ZBTB20: variants seen among roughly 807,000 people sequenced by gnomAD.
ZBTB20 encodes the protein zinc finger and BTB domain containing 20.
ZBTB20 carries 9 observed loss-of-function variants against 56.9 expected under a neutral mutation model. That is an observed-to-expected ratio of 0.16 (90% CI 0.10 to 0.28). ZBTB20 has a LOEUF of 0.28. Among genes scored for constraint, ZBTB20 ranks in the 10% least tolerant of loss-of-function variants. The pLI is 1.00. For synonymous variants in ZBTB20, 417 were observed against 420.7 expected, an observed-to-expected ratio of 0.99 and a Z score of 0.11; for missense variants, 655 against 1,003.0, an observed-to-expected ratio of 0.65 and a Z score of 4.69.
intron 7 of ZBTB20, among the ~76,000 whole-genome samples, chr3:114,493,169 C>A (rs1442062019): frequency 6.6e-6 from 1 of 152,032 alleles, no homozygotes; most frequent in Non-Finnish European, 1.5e-5. Flanking sequence ...AATGTAATAC[C>A]CTTGTGATTA....
chr3:114,572,901 A>C (rs1466548597), intron 6 of ZBTB20, among the ~76,000 whole-genome samples: 1 of 152,162 alleles, frequency 6.6e-6, no homozygotes, highest in Non-Finnish European at 1.5e-5. Context: ...GTGCCTAATA[A>C]ATTTTATCAG....
chr3:115,070,892 G>C (rs1206102211), intron 2 of ZBTB20, among the ~76,000 whole-genome samples: 1 of 151,676 alleles, frequency 6.6e-6, no homozygotes, highest in Non-Finnish European at 1.5e-5. Context: ...ATCACCTCTT[G>C]GTGGGGAAAA....
chr3:114,359,754 A>G (rs375142267), intron 10 of ZBTB20, among the ~76,000 whole-genome samples: 75 of 152,334 alleles, frequency 4.9e-4, no homozygotes, highest in African/African-American at 1.8e-3. Flanking sequence ...GGCTTTGAAT[A>G]GACCTTAAAG....
At chr3:114,545,714 A>G (rs1245449579) in intron 6 of ZBTB20, among the ~76,000 whole-genome samples, 1 of 152,194 alleles carries the variant, frequency 6.6e-6, no homozygotes, top group Non-Finnish European at 1.5e-5. Flanking sequence ...AGTACATATT[A>G]CAAGCTTCTA....
Position 114,350,730 on chromosome 3 carries a change from T to C in ZBTB20, c.1348A>G (p.Asn450Asp). The change falls in exon 11 of 12, where the codon AAC becomes GAC. Residue 450 changes from asparagine (N) to aspartate (D), a missense_variant. By Grantham distance (23) the Asn-to-Asp change is conservative. Coordinates refer to ENST00000675478, the MANE Select transcript of ZBTB20 (RefSeq NM_001348800.3). Reference sequence around the variant, plus strand: ...TGTAGGACGCTCTTGTCGGAGCTGTTGCTGACAGTGATAACAGTGCTGTCC... The same window carrying C: ...TGTAGGACGCTCTTGTCGGAGCTGTCGCTGACAGTGATAACAGTGCTGTCC... ...EMDSTVITVS[N>D]SSDKSVLQQP... The C allele has an allele frequency of 6.2e-7, 1 of 1,614,234 alleles. No homozygotes were observed. Among genetic ancestry groups the C allele is most frequent in the South Asian group, 1.1e-5 (1 of 91,084 alleles).
intron 5 of ZBTB20, among the ~76,000 whole-genome samples, chr3:114,751,426 G>A (rs775663571): frequency 2.0e-5 from 3 of 152,040 alleles, no homozygotes; most frequent in South Asian, 2.1e-4. Context: ...CTGGATTGAC[G>A]TATGCTTTTT....
chr3:114,610,990 G>A (rs2057508620), intron 6 of ZBTB20, among the ~76,000 whole-genome samples: 1 of 152,180 alleles, frequency 6.6e-6, no homozygotes, highest in African/African-American at 2.4e-5. Flanking sequence ...AAGGCCAACA[G>A]GATACATGCT....
At chr3:115,060,418 G>C (rs1345745929) in intron 2 of ZBTB20, among the ~76,000 whole-genome samples, 3 of 152,102 alleles carry the variant, frequency 2.0e-5, no homozygotes, top group African/African-American at 7.2e-5. Context: ...TTCCATTTCA[G>C]TTAAAATGCC....
At chr3:114,766,489 A>ATGTGTGTGTGTGTGTGTGTGTG (rs71297433) in intron 5 of ZBTB20, among the ~76,000 whole-genome samples, 2 of 138,996 alleles carry the variant, frequency 1.4e-5, no homozygotes, top group African/African-American at 2.7e-5. Context: ...TGGGATGGAA[A>ATGTGTGTGTGTGTGTGTGTGTG]TGTGTGTGTG....
chr3:114,977,975 T>A (rs1209269534), intron 2 of ZBTB20, among the ~76,000 whole-genome samples: 1 of 138,398 alleles, frequency 7.2e-6, no homozygotes, highest in African/African-American at 2.8e-5. Flanking sequence ...CCTGCCACTG[T>A]ACTCCAGTAT....
intron 3 of ZBTB20, among the ~76,000 whole-genome samples, chr3:114,918,802 A>G (rs1382042383): frequency 1.3e-5 from 2 of 152,204 alleles, no homozygotes; most frequent in Non-Finnish European, 1.5e-5. Flanking sequence ...AGTCTCTTTC[A>G]GAGCTACCAA....
In ZBTB20 at chr3:114,925,068, C is replaced by T. The variant is rs151081667; in HGVS notation, c.-455-24726G>A. On this transcript the variant is annotated intron_variant, in intron 3 of 11. Transcript: ENST00000675478. The stretch of plus-strand genomic sequence containing the variant: ...GCGCAATCTCGGCTCACTGCAACCT[C>T]TGCCTCCTGGGTTCAAGCAATTCTC... 2.3e-3 allele frequency among the ~76,000 whole-genome samples: 330 copies of T among 146,456 alleles called. 4 individuals carry two copies. Among genetic ancestry groups the T allele is most frequent in the African/African-American group, 7.8e-3 (309 of 39,810 alleles).
At chr3:114,427,558 C>T (rs917767161) in intron 7 of ZBTB20, among the ~76,000 whole-genome samples, 3 of 152,152 alleles carry the variant, frequency 2.0e-5, no homozygotes, top group South Asian at 2.1e-4. Context: ...CAATGCAGAC[C>T]GAAGAGGAGA....
chr3:115,118,587 G>A lies in ZBTB20; in HGVS notation c.-703+28632C>T, dbSNP rs1309463575. On this transcript the variant is annotated intron_variant, in intron 1 of 11. Transcript: ENST00000675478. ...ACCAGAACTAACCGTTTTACACTAA[G>A]AAAGTGACATCTAATGATAATAAAT... is the stretch of plus-strand genomic sequence containing the variant. 2.7e-5 allele frequency among the ~76,000 whole-genome samples: 4 copies of A among 150,606 alleles called. No homozygotes were observed. The East Asian group carries it at 7.8e-4, about 29-fold the overall frequency.
chr3:114,966,138 G>A (rs948763159), intron 3 of ZBTB20, among the ~76,000 whole-genome samples: 5 of 152,048 alleles, frequency 3.3e-5, no homozygotes, highest in African/African-American at 1.2e-4. Context: ...CTAAACACAT[G>A]GCCTATGACA....
At chr3:114,669,035 C>G (rs989805106) in intron 6 of ZBTB20, among the ~76,000 whole-genome samples, 1 of 152,082 alleles carries the variant, frequency 6.6e-6, no homozygotes, top group African/African-American at 2.4e-5. Flanking sequence ...GTAATATATA[C>G]TACCAATTCA....
chr3:114,593,057 G>A lies in ZBTB20; in HGVS notation c.-294-92666C>T, dbSNP rs2055941844. On this transcript the variant is annotated intron_variant, in intron 6 of 11. Transcript: ENST00000675478. Reference sequence around the variant, plus strand: ...TATGTTTTATAATTATTGAGTAAAAGAGGATTTTCATTATGGAGACATGTA... The same window carrying A: ...TATGTTTTATAATTATTGAGTAAAAAAGGATTTTCATTATGGAGACATGTA... Among the ~76,000 whole-genome samples, 3 of 152,156 alleles carry A rather than the reference G, an allele frequency of 2.0e-5. No homozygotes were observed. The South Asian group carries it at 6.2e-4, about 31-fold the overall frequency.
intron 2 of ZBTB20, among the ~76,000 whole-genome samples, chr3:114,997,191 G>T (rs2079062568): frequency 6.6e-6 from 1 of 151,712 alleles, no homozygotes; most frequent in Non-Finnish European, 1.5e-5. Context: ...CCATGTTTTT[G>T]GTAGAGTATT....
intron 4 of ZBTB20, among the ~76,000 whole-genome samples, chr3:114,829,002 T>G (rs1169660485): frequency 6.6e-6 from 1 of 151,836 alleles, no homozygotes; most frequent in Non-Finnish European, 1.5e-5. Context: ...CTAGCTCCTT[T>G]CAACATCCTG....
Sources: allele counts gnomAD v4.1 joint callset (sites outside exome capture counted in the v4.1 genomes callset), GRCh38; gene constraint gnomAD v4.1.1; transcripts MANE v1.5; gene names NCBI Gene and HGNC (gene_info 2026-07-23, HGNC 2026-07-21).